The following CABCOCO1 variants were observed in gnomAD, a reference collection of about 807,000 sequenced individuals.
CABCOCO1 encodes ciliary-associated calcium-binding coiled-coil protein 1.
A neutral mutation model predicts 35.7 loss-of-function variants in CABCOCO1; 28 were observed. The observed-to-expected ratio is 0.78, with a 90% CI of 0.58 to 1.07. The LOEUF is 1.07. Among genes scored for constraint, CABCOCO1 ranks in the 50% least tolerant of loss-of-function variants. The pLI is 0.00. For synonymous variants in CABCOCO1, 95 were observed against 100.1 expected (o/e 0.95, Z 0.30); for missense variants, 326 against 309.2 (o/e 1.05, Z -0.41).
chr10:61,682,351 A>G (rs1371645682), intron 3 of CABCOCO1, among the ~76,000 whole-genome samples: 1 of 152,168 alleles, frequency 6.6e-6, no homozygotes, highest in Non-Finnish European at 1.5e-5. Context: ...TGGCAGAAAA[A>G]ATTTTTTTTA....
chr10:61,764,272 G>A (rs1290885166), intron 7 of CABCOCO1, among the ~76,000 whole-genome samples: 1 of 151,878 alleles, frequency 6.6e-6, no homozygotes, highest in Non-Finnish European at 1.5e-5. Context: ...TTGAAATTGT[G>A]GTAAAATTAT....
At chr10:61,757,605 G>A (rs1841924059) in intron 5 of CABCOCO1, among the ~76,000 whole-genome samples, 1 of 151,908 alleles carries the variant, frequency 6.6e-6, no homozygotes, top group African/African-American at 2.4e-5. Flanking sequence ...CAGAACTTCA[G>A]GTTCTTGGGA....
chr10:61,711,486 A>T (rs1375918089), intron 5 of CABCOCO1, among the ~76,000 whole-genome samples: 1 of 151,982 alleles, frequency 6.6e-6, no homozygotes, highest in Non-Finnish European at 1.5e-5. Context: ...AAATATATGA[A>T]GCAAAGGCCA....
chr10:61,680,135 ACC>A (rs933434830), intron 2 of CABCOCO1, among the ~76,000 whole-genome samples: 2 of 151,398 alleles, frequency 1.3e-5, no homozygotes, highest in African/African-American at 4.9e-5. Context: ...ACATGGTGAA[ACC>A]CCGTCTCTAC....
Position 61,716,960 on chromosome 10 carries a change from T to A in CABCOCO1, c.552+26339T>A, listed in dbSNP as rs1840882818. Among the ~76,000 whole-genome samples the A allele has an allele frequency of 2.0e-5, 3 of 152,048 alleles. No homozygotes were observed. In the South Asian group the frequency reaches 6.2e-4, roughly 32 times the overall value. ...AGGCAAAAATGAAACTAAATAATAG[T>A]TGTGTGTATTTTACCAGACTCACAT... is the stretch of plus-strand genomic sequence containing the variant. On this transcript the variant is annotated intron_variant, in intron 5 of 7. Transcript: ENST00000648843.
intron 1 of CABCOCO1, among the ~76,000 whole-genome samples, chr10:61,666,125 C>T (rs1839165516): frequency 6.6e-6 from 1 of 152,090 alleles, no homozygotes; most frequent in South Asian, 2.1e-4. Flanking sequence ...GATGATGTAA[C>T]CTGTCTAGGA....
intron 5 of CABCOCO1, among the ~76,000 whole-genome samples, chr10:61,750,404 T>C (rs1841754831): frequency 6.6e-6 from 1 of 152,092 alleles, no homozygotes; most frequent in African/African-American, 2.4e-5. Context: ...GGTGAAGCAC[T>C]GTCTCTACTA....
At chr10:61,737,613 AT>A (rs2132062526) in intron 5 of CABCOCO1, among the ~76,000 whole-genome samples, 1 of 152,350 alleles carries the variant, frequency 6.6e-6, no homozygotes, top group East Asian at 1.9e-4. Flanking sequence ...ACCATGGAAT[AT>A]TATGCAGCCA....
intron 1 of CABCOCO1, among the ~76,000 whole-genome samples, chr10:61,664,638 G>C (rs1447274799): frequency 6.6e-6 from 1 of 152,176 alleles, no homozygotes; most frequent in Non-Finnish European, 1.5e-5. Context: ...AAATCAAGTT[G>C]TAACAGGGAC....
intron 5 of CABCOCO1, among the ~76,000 whole-genome samples, chr10:61,727,892 T>G (rs1017772693): frequency 1.3e-5 from 2 of 152,206 alleles, no homozygotes; most frequent in African/African-American, 4.8e-5. Flanking sequence ...CCTCTATATA[T>G]AAACTATTTA....
At position 61,707,198 on chromosome 10, in the gene CABCOCO1, T is replaced by C. The variant is rs149690884; in HGVS notation, c.552+16577T>C. Among the ~76,000 whole-genome samples the C allele has an allele frequency of 2.0e-3, 302 of 152,130 alleles. 3 individuals carry two copies. Among genetic ancestry groups the C allele is most frequent in the African/African-American group, 6.9e-3 (286 of 41,496 alleles). Reference sequence around the variant, plus strand: ...CAACACTGAGGAACATGACCGAGCATTGACTGTAAGAATAGCCAACAGAAG... The same window carrying C: ...CAACACTGAGGAACATGACCGAGCACTGACTGTAAGAATAGCCAACAGAAG... On this transcript the variant is annotated intron_variant, in intron 5 of 7. Coordinates refer to ENST00000648843, the MANE Select transcript of CABCOCO1 (RefSeq NM_001366906.2).
Position 61,720,917 on chromosome 10 carries a change from C to CTTTTTTTTTTTTTTTTTTTTTTTTTTTT in CABCOCO1, c.552+30321_552+30322insTTTTTTTTTTTTTTTTTTTTTTTTTTTT, listed in dbSNP as rs71018996. ...TGCTTTTTCTTCTTTTCTTTTCATTCTTTTTTTTTTTTTTTTTTTTTTTTT... is the reference window on the plus strand; with the variant it reads ...TGCTTTTTCTTCTTTTCTTTTCATTCTTTTTTTTTTTTTTTTTTTTTTTTTTTTTTTTTTTTTTTTTTTTTTTTTTTTT... On this transcript the variant is annotated intron_variant, in intron 5 of 7. Transcript: ENST00000648843. Among the ~76,000 whole-genome samples the CTTTTTTTTTTTTTTTTTTTTTTTTTTTT allele has an allele frequency of 7.3e-4, 48 of 66,014 alleles. 12 individuals are homozygous for CTTTTTTTTTTTTTTTTTTTTTTTTTTTT. Among genetic ancestry groups the CTTTTTTTTTTTTTTTTTTTTTTTTTTTT allele is most frequent in the Non-Finnish European group, 1.1e-3 (38 of 33,070 alleles). 43.3% of individuals were successfully genotyped at this position (66,014 alleles called of 152,430 possible). A position where few individuals can be genotyped will look rare whatever the true frequency, so the allele number is the denominator to read the frequency against.
intron 1 of CABCOCO1, among the ~76,000 whole-genome samples, chr10:61,669,696 G>A (rs1266216813): frequency 6.6e-6 from 1 of 151,958 alleles, no homozygotes; most frequent in East Asian, 1.9e-4. Context: ...AAAAGAATGA[G>A]GCTCTAATAT....
chr10:61,677,811 G>GTTTTTTTTTTTTTTTTTTTTTT (rs35492889), intron 2 of CABCOCO1, among the ~76,000 whole-genome samples: 1 of 60,308 alleles, frequency 1.7e-5, no homozygotes, highest in African/African-American at 6.7e-5. Flanking sequence ...TTTTTTGGGT[G>GTTTTTTTTTTTTTTTTTTTTTT]TTTTTTTTTT....
chr10:61,668,018 C>T (rs1038065805), intron 1 of CABCOCO1, among the ~76,000 whole-genome samples: 6 of 151,700 alleles, frequency 4.0e-5, no homozygotes, highest in East Asian at 3.9e-4. Context: ...TAGTCTTTTT[C>T]GTGTTTAGCA....
At chr10:61,699,492 T>C (rs142770109) in intron 5 of CABCOCO1, among the ~76,000 whole-genome samples, 1 of 152,152 alleles carries the variant, frequency 6.6e-6, no homozygotes, top group East Asian at 1.9e-4. Context: ...ACCAGTTCTC[T>C]GATTGAGCTA....
chr10:61,670,521 C>T (rs761583236), intron 1 of CABCOCO1, among the ~76,000 whole-genome samples: 1 of 152,086 alleles, frequency 6.6e-6, no homozygotes, highest in Non-Finnish European at 1.5e-5. Flanking sequence ...AAATTACAAA[C>T]ATTAAGCCAA....
chr10:61,727,268 A>C (rs1156277736), intron 5 of CABCOCO1, among the ~76,000 whole-genome samples: 1 of 152,182 alleles, frequency 6.6e-6, no homozygotes, highest in African/African-American at 2.4e-5. Flanking sequence ...CATAATCTCT[A>C]TACCTACACT....
chr10:61,679,680 G>T (rs1291412297), intron 2 of CABCOCO1, among the ~76,000 whole-genome samples: 1 of 152,140 alleles, frequency 6.6e-6, no homozygotes, highest in Non-Finnish European at 1.5e-5. Flanking sequence ...CAAAGATAAG[G>T]TGGTAAACAA....
Sources: gnomAD v4.1 joint callset for allele counts (sites outside exome capture counted in the v4.1 genomes callset) on GRCh38, gnomAD v4.1.1 for gene constraint, MANE v1.5 for transcripts, NCBI Gene and HGNC (gene_info 2026-07-23, HGNC 2026-07-21) for gene names.